The following ZC3H12C variants were observed in gnomAD, a reference collection of about 807,000 sequenced individuals.
ZC3H12C encodes the protein probable ribonuclease ZC3H12C.
Under a neutral mutation model 76.3 loss-of-function variants are expected in ZC3H12C, and 20 were observed. The observed-to-expected ratio is 0.26, with a 90% confidence interval of 0.18 to 0.38. The LOEUF (loss-of-function observed/expected upper bound fraction) is 0.38. Ranked by LOEUF, ZC3H12C falls within the 10% of genes least tolerant of loss-of-function variation. ZC3H12C has a pLI of 1.00. For missense variants in ZC3H12C, 874 were observed against 1,086.5 expected, an observed-to-expected ratio of 0.80 and a Z score of 2.75; for synonymous variants, 352 against 399.6, an observed-to-expected ratio of 0.88 and a Z score of 1.42.
chr11:110,117,832 A>AT (rs1555017723), intron 1 of ZC3H12C, among the ~76,000 whole-genome samples: 2 of 86,540 alleles, frequency 2.3e-5, no homozygotes, highest in Admixed American at 1.1e-4. Flanking sequence ...ACACACATAT[A>AT]ATATATATAT....
intron 1 of ZC3H12C, among the ~76,000 whole-genome samples, chr11:110,106,256 A>G (rs1861323995): frequency 6.9e-6 from 1 of 144,974 alleles, no homozygotes; most frequent in Non-Finnish European, 1.5e-5. Context: ...CGACAGAGCG[A>G]GACTCCGTCT....
chr11:110,096,641 G>A (rs78848733), intron 1 of ZC3H12C, among the ~76,000 whole-genome samples: 2,857 of 152,288 alleles, frequency 0.019, 37 homozygotes, highest in African/African-American at 0.04. Flanking sequence ...GTTCTGCCTC[G>A]ATAGGATTCT....
rs1285875089 is a variant in ZC3H12C, at chr11:110,167,069, A to C, written c.*1332A>C. ...TACATTTCTGCGGAGTAGAAGATAG[A>C]TTTTGCAGTCAGTGGCAGACAGTTG... On this transcript the variant is annotated 3_prime_UTR_variant, in exon 6 of 6. Coordinates refer to ENST00000278590, the MANE Select transcript of ZC3H12C (RefSeq NM_033390.2). The C allele has an allele frequency of 2.0e-5, 3 of 152,196 alleles. No individual in the cohort carries two copies. Among genetic ancestry groups the C allele is most frequent in the Non-Finnish European group, 4.4e-5 (3 of 68,036 alleles). 9.4% of individuals were successfully genotyped at this position (152,196 alleles called of 1,614,324 possible).
intron 1 of ZC3H12C, among the ~76,000 whole-genome samples, chr11:110,106,742 T>C (rs1032036549): frequency 1.3e-5 from 2 of 152,244 alleles, no homozygotes; most frequent in Non-Finnish European, 2.9e-5. Flanking sequence ...TTTGTTTTTA[T>C]GTAATCATCT....
At position 110,164,428 on chromosome 11, in the gene ZC3H12C, G is replaced by A. The variant is rs754633593; in HGVS notation, c.1343G>A (p.Arg448His). ...QPQRSVADELRAMSRNTAAKT... is the reference protein window; with the variant it reads ...QPQRSVADELHAMSRNTAAKT... ...CAGCGGTCAGTGGCTGATGAACTCC[G>A]TGCCATGTCTAGAAATACGGCAGCC... Residue 448 changes from arginine to histidine, a missense_variant, in exon 6 of 6, where the codon CGT (arginine) becomes CAT (histidine). Arg to His is a conservative substitution (Grantham distance 29, BLOSUM62 0). Coordinates refer to ENST00000278590, the MANE Select transcript of ZC3H12C (RefSeq NM_033390.2). This position sits in a 1 kb window ranked among gnomAD's most constrained non-coding sequence, Gnocchi z 5.7. 2.5e-6 allele frequency: 4 copies of A among 1,613,974 alleles called. No homozygotes were observed. The highest frequency in any genetic ancestry group is 3.4e-6 in the Non-Finnish European group (4 of 1,179,892).
chr11:110,095,267 T>C (rs138207511), intron 1 of ZC3H12C, among the ~76,000 whole-genome samples: 106 of 152,338 alleles, frequency 7.0e-4, no homozygotes, highest in Non-Finnish European at 1.3e-3. Context: ...AAGTTGTTAA[T>C]AGAAATTTTA....
intron 1 of ZC3H12C, chr11:110,131,159 C>G (rs1861858866): frequency 1.5e-6 from 2 of 1,345,794 alleles, no homozygotes; most frequent in Non-Finnish European, 2.1e-6. Context: ...GCTAAATATT[C>G]AGAGTATTAA....
intron 1 of ZC3H12C, among the ~76,000 whole-genome samples, chr11:110,093,697 C>A (rs1417771911): frequency 6.6e-6 from 1 of 152,060 alleles, no homozygotes; most frequent in Non-Finnish European, 1.5e-5. Flanking sequence ...GGATTTCGGG[C>A]GAGGTGAGGC....
At position 110,168,878 on chromosome 11, in the gene ZC3H12C, T is replaced by C. The variant is rs1862625826; in HGVS notation, c.*3141T>C. ...TGGTGGAAACTTGAACTTTGTGTTTTTATGAAAATTCATTTATGAGAATAT... is the reference window on the plus strand; with the variant it reads ...TGGTGGAAACTTGAACTTTGTGTTTCTATGAAAATTCATTTATGAGAATAT... On this transcript the variant is annotated 3_prime_UTR_variant, in exon 6 of 6. Coordinates refer to ENST00000278590, the MANE Select transcript of ZC3H12C (RefSeq NM_033390.2). 6.6e-6 allele frequency: 1 copy of C among 152,214 alleles called. No individual in the cohort carries two copies. The highest frequency in any genetic ancestry group is 1.5e-5 in the Non-Finnish European group (1 of 68,018). 9.4% of individuals were successfully genotyped at this position (152,214 alleles called of 1,614,324 possible).
intron 1 of ZC3H12C, among the ~76,000 whole-genome samples, chr11:110,093,709 G>A (rs749359721): frequency 6.6e-6 from 1 of 152,060 alleles, no homozygotes; most frequent in Non-Finnish European, 1.5e-5. Context: ...AGGTGAGGCC[G>A]GGCTTCCCGG....
intron 1 of ZC3H12C, among the ~76,000 whole-genome samples, chr11:110,095,680 G>A (rs1023071017): frequency 3.3e-5 from 5 of 152,126 alleles, no homozygotes; most frequent in African/African-American, 9.7e-5. Flanking sequence ...ACTAAGTTCC[G>A]TGAAAAAAGA....
At chr11:110,115,201 G>A (rs550553419) in intron 1 of ZC3H12C, among the ~76,000 whole-genome samples, 2 of 152,156 alleles carry the variant, frequency 1.3e-5, no homozygotes, top group African/African-American at 4.8e-5. Flanking sequence ...CGCACTCCTG[G>A]GCTCAAGCGA....
intron 1 of ZC3H12C, among the ~76,000 whole-genome samples, chr11:110,110,932 TAAGAA>T (rs1411607440): frequency 6.6e-6 from 1 of 152,192 alleles, no homozygotes; most frequent in Non-Finnish European, 1.5e-5. Context: ...AATCAGCTTA[TAAGAA>T]AAAACTTCAC....
chr11:110,154,221 A>T (rs1378388277), intron 3 of ZC3H12C, among the ~76,000 whole-genome samples: 3 of 152,070 alleles, frequency 2.0e-5, no homozygotes, highest in African/African-American at 7.2e-5. Context: ...AAAATACAAA[A>T]AATTAGCCAG....
chr11:110,136,368 A>G (rs985464267), intron 1 of ZC3H12C: 7 of 288,584 alleles, frequency 2.4e-5, no homozygotes, highest in Non-Finnish European at 4.5e-5. Flanking sequence ...AAGGAGCATG[A>G]TATAGTGGGA....
At chr11:110,127,814 T>C (rs1861778187) in intron 1 of ZC3H12C, among the ~76,000 whole-genome samples, 1 of 151,538 alleles carries the variant, frequency 6.6e-6, no homozygotes, top group African/African-American at 2.4e-5. Context: ...GAGAATCCCT[T>C]GAAGCTGGGA....
chr11:110,164,457 A>C lies in ZC3H12C; in HGVS notation c.1372A>C (p.Thr458Pro). The stretch of plus-strand genomic sequence containing the variant: ...CATGTCTAGAAATACGGCAGCCAAA[A>C]CTGCAAACGAAGGAGGACTGGTGAA... ...RAMSRNTAAK[T>P]ANEGGLVKSN... is the part of the protein sequence containing the mutation. Residue 458 changes from threonine to proline, a missense_variant, in exon 6 of 6, where the codon ACT becomes CCT. Around this residue, in one of 3 missense-constraint regions of ZC3H12C, gnomAD observed 269 missense variants for 424.9 expected, o/e 0.63. Coordinates refer to ENST00000278590, the MANE Select transcript of ZC3H12C (RefSeq NM_033390.2). This position sits in a 1 kb window ranked among gnomAD's most constrained non-coding sequence, Gnocchi z 5.7. The C allele has an allele frequency of 1.9e-6, 3 of 1,614,032 alleles. No homozygotes were observed. The South Asian group carries it at 3.3e-5, about 18-fold the overall frequency.
chr11:110,123,685 G>A (rs1457604002), intron 1 of ZC3H12C, among the ~76,000 whole-genome samples: 1 of 152,142 alleles, frequency 6.6e-6, no homozygotes, highest in South Asian at 2.1e-4. Context: ...GGTCTGATTA[G>A]AGTTAATTCA....
intron 3 of ZC3H12C, among the ~76,000 whole-genome samples, chr11:110,155,978 A>G (rs1862370605): frequency 6.6e-6 from 1 of 152,210 alleles, no homozygotes. Context: ...CTTCTTGAAC[A>G]TGAAGAGAAG....
Sources: allele counts gnomAD v4.1 joint callset (sites outside exome capture counted in the v4.1 genomes callset), GRCh38; gene constraint gnomAD v4.1.1; regional missense constraint gnomAD v4.1.1; non-coding constraint Gnocchi (gnomAD v3.1); transcripts MANE v1.5; gene names NCBI Gene and HGNC (gene_info 2026-07-23, HGNC 2026-07-21).